IBTK: variants seen among roughly 807,000 people sequenced by gnomAD.
The protein encoded by IBTK is inhibitor of Bruton tyrosine kinase.
Under a neutral mutation model 154.9 loss-of-function variants are expected in IBTK, and 83 were observed. That is an observed-to-expected ratio of 0.54 (90% CI 0.45 to 0.64). The LOEUF (loss-of-function observed/expected upper bound fraction) is 0.64. Among genes scored for constraint, IBTK ranks in the 30% least tolerant of loss-of-function variants. The pLI is 0.00. For synonymous variants in IBTK, 515 were observed against 536.1 expected (o/e 0.96, Z 0.54); for missense variants, 1,332 against 1,584.6 (o/e 0.84, Z 2.71).
intron 1 of IBTK, among the ~76,000 whole-genome samples, chr6:82,242,496 T>C (rs1252663141): frequency 2.0e-5 from 3 of 152,202 alleles, no homozygotes; most frequent in Non-Finnish European, 4.4e-5. Context: ...TTATTTTTAA[T>C]GGCAAAACCT....
intron 8 of IBTK, among the ~76,000 whole-genome samples, chr6:82,223,154 T>G (rs905350766): frequency 6.6e-6 from 1 of 152,034 alleles, no homozygotes; most frequent in African/African-American, 2.4e-5. Flanking sequence ...AATCTATTTC[T>G]GTGCACCTAA....
Position 82,223,493 on chromosome 6 carries a change from T to C in IBTK, c.1071A>G (p.Thr357=), listed in dbSNP as rs139047256. 3.5e-5 allele frequency: 57 copies of C among 1,614,124 alleles called. No homozygotes were observed. The African/African-American group carries it at 6.3e-4, about 18-fold the overall frequency. Residue 357 remains threonine (T), a synonymous_variant, in exon 8 of 29, where the codon ACA becomes ACG. Coordinates refer to ENST00000306270, the MANE Select transcript of IBTK (RefSeq NM_015525.4). ...CTGCAAGTAAGTAAATATCTCCCCT[T>C]GTGGTAACACAGACTGTAGCTCCAT... ...ASDGATVCVT[T]RGDIYLLADY... is the part of the protein sequence containing the mutation.
chr6:82,176,320 A>G (rs1406989173), intron 26 of IBTK, among the ~76,000 whole-genome samples: 1 of 152,084 alleles, frequency 6.6e-6, no homozygotes, highest in African/African-American at 2.4e-5. Flanking sequence ...CAGGAGTTCG[A>G]GACTAGCCTG....
At chr6:82,191,491 T>C in intron 24 of IBTK, 1 of 559,154 alleles carries the variant, frequency 1.8e-6, no homozygotes, top group Non-Finnish European at 3.2e-6. Context: ...CAAAAAGAAC[T>C]TGCATCACAA....
chr6:82,213,995 G>A (rs560255775), intron 12 of IBTK, among the ~76,000 whole-genome samples: 5 of 151,616 alleles, frequency 3.3e-5, no homozygotes, highest in South Asian at 4.2e-4. Context: ...TCGCTCTGTC[G>A]CCCAGGCTGG....
chr6:82,172,329 T>C lies in IBTK; in HGVS notation c.3930+51A>G, dbSNP rs541542954. The stretch of plus-strand genomic sequence containing the variant: ...AAACACGATTTTCTTAAAACCTAAG[T>C]AGGAAATGTAGTTCTTCTCTAAATT... On this transcript the variant is annotated intron_variant, in intron 28 of 28. Coordinates refer to ENST00000306270, the MANE Select transcript of IBTK (RefSeq NM_015525.4). 3.9e-6 allele frequency: 6 copies of C among 1,550,048 alleles called. No homozygotes were observed. The East Asian group carries it at 9.0e-5, about 23-fold the overall frequency.
chr6:82,213,381 C>A (rs1386640463), intron 12 of IBTK, among the ~76,000 whole-genome samples: 1 of 152,016 alleles, frequency 6.6e-6, no homozygotes, highest in Non-Finnish European at 1.5e-5. Context: ...TCTCTTCCCA[C>A]CCTACAACGA....
Position 82,220,621 on chromosome 6 carries a change from A to AT in IBTK, c.1216dup (p.Ile406AsnfsTer37), listed in dbSNP as rs1244845350. 1 of 1,612,668 alleles carries AT rather than the reference A, an allele frequency of 6.2e-7. No individual in the cohort carries two copies. Among genetic ancestry groups the AT allele is most frequent in the Middle Eastern group, 1.7e-4 (1 of 6,052 alleles). On this transcript the variant is annotated frameshift_variant, in exon 9 of 29. Transcript: ENST00000306270. LOFTEE classifies it high-confidence loss of function. ...AGCTCCATCCATTGCAAGAATGCAAATTTTTTGACCCCCATTTTCTTTCAA... is the reference window on the plus strand; with the variant it reads ...AGCTCCATCCATTGCAAGAATGCAAATTTTTTTGACCCCCATTTTCTTTCAA...
At chr6:82,208,809 G>A (rs1441429295) in intron 16 of IBTK, among the ~76,000 whole-genome samples, 1 of 152,116 alleles carries the variant, frequency 6.6e-6, no homozygotes, top group African/African-American at 2.4e-5. Flanking sequence ...AAACAACTCA[G>A]AGAAGGAGAG....
chr6:82,185,184 GAAAA>G (rs1196015823), intron 25 of IBTK, among the ~76,000 whole-genome samples: 1 of 37,816 alleles, frequency 2.6e-5, no homozygotes, highest in Admixed American at 3.2e-4. Context: ...CTCTGTCTCA[GAAAA>G]AAAAAAAAAA....
intron 21 of IBTK, among the ~76,000 whole-genome samples, chr6:82,197,008 C>T (rs1294385129): frequency 1.3e-5 from 2 of 152,130 alleles, no homozygotes; most frequent in Admixed American, 6.6e-5. Context: ...ATTGAGAGCT[C>T]GCTTGAAGCA....
Position 82,218,057 on chromosome 6 carries a change from A to G in IBTK, c.1329T>C (p.Ile443=), listed in dbSNP as rs200166627. The change falls in exon 10 of 29, where the codon ATT becomes ATC. Residue 443 remains isoleucine, a synonymous_variant. Transcript: ENST00000306270. ...ATAGAATTTCATTTCTATTTAAAGC[A>G]ATATCAGAAATGAAGACCTGACGTG... ...AYPRQVFISD[I]ALNRNEILFV... is the part of the protein sequence containing the mutation. 1.9e-6 allele frequency: 3 copies of G among 1,612,360 alleles called. No homozygotes were observed. The highest frequency in any genetic ancestry group is 2.7e-5 in the African/African-American group (2 of 74,974).
At chr6:82,243,516 A>C (rs1428763524) in intron 1 of IBTK, among the ~76,000 whole-genome samples, 1 of 152,218 alleles carries the variant, frequency 6.6e-6, no homozygotes, top group African/African-American at 2.4e-5. Flanking sequence ...CTGAGACATG[A>C]ATCATACATT....
intron 21 of IBTK, among the ~76,000 whole-genome samples, chr6:82,198,705 T>C (rs1182617877): frequency 6.6e-6 from 1 of 152,158 alleles, no homozygotes; most frequent in East Asian, 1.9e-4. Flanking sequence ...TACTAGGTTA[T>C]GCCTTAGTGC....
chr6:82,222,705 A>G (rs529282909), intron 8 of IBTK, among the ~76,000 whole-genome samples: 39 of 152,300 alleles, frequency 2.6e-4, no homozygotes, highest in Non-Finnish European at 5.6e-4. Flanking sequence ...ATGACAGGTG[A>G]CACATTATGA....
chr6:82,172,247 T>A (rs576701458), intron 28 of IBTK, 133 bp downstream of exon 28: 1 of 816,738 alleles, frequency 1.2e-6, no homozygotes, highest in Non-Finnish European at 1.9e-6. Context: ...CTCAGTTTAA[T>A]TTTACCTGGC....
At chr6:82,243,949 G>A (rs1464732110) in intron 1 of IBTK, among the ~76,000 whole-genome samples, 28 of 152,154 alleles carry the variant, frequency 1.8e-4, no homozygotes, top group Non-Finnish European at 1.2e-4. Context: ...TAGAGAAAGC[G>A]GCACCTACAG....
chr6:82,227,944 T>C (rs1340633026), intron 4 of IBTK, among the ~76,000 whole-genome samples: 1 of 152,096 alleles, frequency 6.6e-6, no homozygotes, highest in East Asian at 1.9e-4. Flanking sequence ...TTGCCCCTGA[T>C]ACACAGACTT....
Position 82,221,448 on chromosome 6 carries a change from T to C in IBTK, c.1125-735A>G, listed in dbSNP as rs986562032. Among the ~76,000 whole-genome samples the C allele has an allele frequency of 4.6e-5, 7 of 152,226 alleles. No individual in the cohort carries two copies. The East Asian group carries it at 1.3e-3, about 29-fold the overall frequency. On this transcript the variant is annotated intron_variant, in intron 8 of 28. Transcript: ENST00000306270. ...AAATAGAAATGCTTAATTTAAAAAA[T>C]GGCTAATCCTAAACAGATATTGCTA...
Sources: gnomAD v4.1 joint callset for allele counts (sites outside exome capture counted in the v4.1 genomes callset) on GRCh38, gnomAD v4.1.1 for gene constraint, MANE v1.5 for transcripts, NCBI Gene and HGNC (gene_info 2026-07-23, HGNC 2026-07-21) for gene names.